The following SOX8 variants were observed in gnomAD, a reference collection of about 807,000 sequenced individuals.
The protein encoded by SOX8 is SRY-box transcription factor 8.
Under a neutral mutation model 22.9 loss-of-function variants are expected in SOX8, and 9 were observed. That is an observed-to-expected ratio of 0.39 (90% CI 0.24 to 0.69). The LOEUF is 0.69. Among genes scored for constraint, SOX8 ranks in the 30% least tolerant of loss-of-function variants. The pLI, the probability that SOX8 is intolerant of heterozygous loss-of-function variation, is 0.43. For synonymous variants in SOX8, 416 were observed against 330.6 expected (o/e 1.26, Z -2.80); for missense variants, 734 against 699.4 (o/e 1.05, Z -0.56).
chr16:984,104 C>T, intron 2 of SOX8, 144 bp downstream of exon 2: 3 of 754,750 alleles, frequency 4.0e-6, no homozygotes, highest in Non-Finnish European at 6.0e-6. Flanking sequence ...TGAAAAAGCT[C>T]CCAAGGCCCC....
At position 983,871 on chromosome 16, in the gene SOX8, G is replaced by T. The variant is rs1309194389; in HGVS notation, c.566G>T (p.Gly189Val). 3 of 1,611,482 alleles carry T rather than the reference G, an allele frequency of 1.9e-6. No homozygotes were observed. Among genetic ancestry groups the T allele is most frequent in the East Asian group, 2.2e-5 (1 of 44,808 alleles). Residue 189 changes from glycine (G) to valine (V), a missense_variant, in exon 2 of 3, where the codon GGC becomes GTC. By Grantham distance (109) the Gly-to-Val change is moderately radical. Coordinates refer to ENST00000293894, the MANE Select transcript of SOX8 (RefSeq NM_014587.5). ...GCCGGCCACAGCGACTCCGACTCGG[G>T]CGCGGAGCTGGGACCCCACCCTGGC... ...AKAGHSDSDS[G>V]AELGPHPGGG...
At position 985,947 on chromosome 16, in the gene SOX8, C is replaced by T. The variant is rs150943323; in HGVS notation, c.*561C>T. ...TCCTTGCTGGCAGAGTGCGCTCACG[C>T]GAGGGCTGGCTGTGATGAACACATC... On this transcript the variant is annotated 3_prime_UTR_variant, in exon 3 of 3. Coordinates refer to ENST00000293894, the MANE Select transcript of SOX8 (RefSeq NM_014587.5). 7.7e-4 allele frequency: 118 copies of T among 153,948 alleles called. No homozygotes were observed. Among genetic ancestry groups the T allele is most frequent in the Non-Finnish European group, 1.3e-3 (90 of 69,224 alleles). The allele number at this position is 153,948 out of a possible 1,614,324, so 9.5% of individuals were successfully genotyped here. A position where few individuals can be genotyped will look rare whatever the true frequency, so the allele number is the denominator to read the frequency against.
Position 982,128 on chromosome 16 carries a change from G to A in SOX8, c.206G>A (p.Arg69His). ...GACGAGCGCTTCCCGGCCTGCATCC[G>A]CGACGCCGTGTCGCAGGTGCTCAAG... is the stretch of plus-strand genomic sequence containing the variant. ...AADERFPACI[R>H]DAVSQVLKGY... Residue 69 changes from arginine (R) to histidine (H), a missense_variant, in exon 1 of 3, where the codon CGC becomes CAC. Transcript: ENST00000293894. 1 of 1,424,510 alleles carries A rather than the reference G, an allele frequency of 7.0e-7. No individual in the cohort carries two copies. The highest frequency in any genetic ancestry group is 9.2e-7 in the Non-Finnish European group (1 of 1,089,948). The allele number at this position is 1,424,510 out of a possible 1,614,324, so 88.2% of individuals were successfully genotyped here. A position where few individuals can be genotyped will look rare whatever the true frequency, so the allele number is the denominator to read the frequency against.
chr16:984,512 T>C (rs2073436902), intron 2 of SOX8, among the ~76,000 whole-genome samples, 189 bp from the exon 3 acceptor site: 1 of 152,166 alleles, frequency 6.6e-6, no homozygotes, highest in Non-Finnish European at 1.5e-5. Context: ...CAGCGCTTCA[T>C]GGAATTTTCT....
Position 982,326 on chromosome 16 carries a change from C to T in SOX8, c.404C>T (p.Thr135Met). Residue 135 changes from threonine (T) to methionine (M), a missense_variant, in exon 1 of 3, where the codon ACG becomes ATG. Transcript: ENST00000293894. Reference sequence around the variant, plus strand: ...CTGCACAACGCCGAGCTCAGCAAGACGCTGGGCAAGCTGTGGCGGTGAGTG... The same window carrying T: ...CTGCACAACGCCGAGCTCAGCAAGATGCTGGGCAAGCTGTGGCGGTGAGTG... ...PHLHNAELSK[T>M]LGKLWRLLSE... is the part of the protein sequence containing the mutation. 1 of 1,402,996 alleles carries T rather than the reference C, an allele frequency of 7.1e-7. No individual in the cohort carries two copies. Among genetic ancestry groups the T allele is most frequent in the Non-Finnish European group, 9.3e-7 (1 of 1,072,450 alleles). 86.9% of individuals were successfully genotyped at this position (1,402,996 alleles called of 1,614,324 possible). A position where few individuals can be genotyped will look rare whatever the true frequency, so the allele number is the denominator to read the frequency against.
Position 981,973 on chromosome 16 carries a change from C to A in SOX8, c.51C>A (p.Gly17=). Residue 17 remains glycine, a synonymous_variant, in exon 1 of 3, where the codon GGC becomes GGA. Coordinates refer to ENST00000293894, the MANE Select transcript of SOX8 (RefSeq NM_014587.5). The part of the protein sequence containing the change: ...ARSQPPCSPS[G]TASSMSHVED... ...CCCAGCCGCCCTGCAGCCCGTCCGG[C>A]ACCGCCAGCTCCATGTCGCACGTGG... is the stretch of plus-strand genomic sequence containing the variant. 6.9e-7 allele frequency: 1 copy of A among 1,445,096 alleles called. No individual in the cohort carries two copies. Among genetic ancestry groups the A allele is most frequent in the South Asian group, 1.3e-5 (1 of 75,822 alleles). The allele number at this position is 1,445,096 out of a possible 1,614,324, so 89.5% of individuals were successfully genotyped here.
chr16:981,968 T>C lies in SOX8; in HGVS notation c.46T>C (p.Ser16Pro). 1.4e-6 allele frequency: 2 copies of C among 1,442,192 alleles called. No individual in the cohort carries two copies. The highest frequency in any genetic ancestry group is 2.6e-5 in the South Asian group (2 of 75,628). The allele number at this position is 1,442,192 out of a possible 1,614,324, so 89.3% of individuals were successfully genotyped here. The change falls in exon 1 of 3, where the codon TCC (serine) becomes CCC (proline). Residue 16 changes from serine to proline, a missense_variant. Ser to Pro is a moderately conservative substitution (Grantham distance 74, BLOSUM62 -1). Coordinates refer to ENST00000293894, the MANE Select transcript of SOX8 (RefSeq NM_014587.5). ...CCGCTCCCAGCCGCCCTGCAGCCCG[T>C]CCGGCACCGCCAGCTCCATGTCGCA... ...EARSQPPCSPSGTASSMSHVE... is the reference protein window; with the variant it reads ...EARSQPPCSPPGTASSMSHVE...
chr16:985,407 A>G lies in SOX8; in HGVS notation c.*21A>G. The G allele has an allele frequency of 6.7e-7, 1 of 1,500,538 alleles. No homozygotes were observed. Among genetic ancestry groups the G allele is most frequent in the Non-Finnish European group, 8.9e-7 (1 of 1,124,820 alleles). 93.0% of individuals were successfully genotyped at this position (1,500,538 alleles called of 1,614,324 possible). A position where few individuals can be genotyped will look rare whatever the true frequency, so the allele number is the denominator to read the frequency against. ...CCTGAGGGCCCAGCCGCGGGGAGGG[A>G]CTCGCAGGCGTCAGGGGGCAGCCTT... On this transcript the variant is annotated 3_prime_UTR_variant, in exon 3 of 3. Transcript: ENST00000293894.
intron 1 of SOX8, 65 bp downstream of exon 1, chr16:982,409 CG>C: frequency 7.8e-7 from 1 of 1,283,822 alleles, no homozygotes; most frequent in East Asian, 3.1e-5. Flanking sequence ...GGACTGCGAG[CG>C]GGGGCCTGGA....
At position 981,937 on chromosome 16, in the gene SOX8, C is replaced by A; in HGVS notation, c.15C>A (p.Ser5Arg). The A allele has an allele frequency of 1.4e-6, 2 of 1,397,728 alleles. No homozygotes were observed. The highest frequency in any genetic ancestry group is 3.2e-5 in the East Asian group (1 of 30,828). The allele number at this position is 1,397,728 out of a possible 1,614,324, so 86.6% of individuals were successfully genotyped here. A position where few individuals can be genotyped will look rare whatever the true frequency, so the allele number is the denominator to read the frequency against. Reference protein sequence around the residue: MLDMSEARSQPPCSP... With the variant: MLDMREARSQPPCSP... ...GCGCGGCCCCGATGCTGGACATGAG[C>A]GAGGCCCGCTCCCAGCCGCCCTGCA... Residue 5 changes from serine to arginine, a missense_variant, in exon 1 of 3, where the codon AGC becomes AGA. This residue lies in a region of SOX8 where 139 missense variants were observed against 109.1 expected (regional missense o/e 1.27). Coordinates refer to ENST00000293894, the MANE Select transcript of SOX8 (RefSeq NM_014587.5).
intron 1 of SOX8, 187 bp downstream of exon 1, chr16:982,531 C>T (rs984883790): frequency 8.4e-6 from 5 of 591,952 alleles, no homozygotes; most frequent in African/African-American, 1.9e-5. Flanking sequence ...AGCCGGGGTC[C>T]GGCGCCAGCT....
Position 981,837 on chromosome 16 carries a change from C to A in SOX8, c.-86C>A. The A allele has an allele frequency of 1.2e-6, 1 of 854,864 alleles. No individual in the cohort carries two copies. Among genetic ancestry groups the A allele is most frequent in the Non-Finnish European group, 1.4e-6 (1 of 693,036 alleles). 53.0% of individuals were successfully genotyped at this position (854,864 alleles called of 1,614,324 possible). ...AGGGTCGGGGCCACCGCGCGGCGAC[C>A]TCGGGTCCCGGAGCGACCGCAGGGC... On this transcript the variant is annotated 5_prime_UTR_variant, in exon 1 of 3. Transcript: ENST00000293894.
rs555904486 is a variant in SOX8, at chr16:985,758, G to A, written c.*372G>A. On this transcript the variant is annotated 3_prime_UTR_variant, in exon 3 of 3. Coordinates refer to ENST00000293894, the MANE Select transcript of SOX8 (RefSeq NM_014587.5). ...GGGGGTGGCAGGGGCCTTGCAGGGC[G>A]CTGTGAGGTCCAGGCCGGTCTTGGC... The A allele has an allele frequency of 8.6e-5, 19 of 222,082 alleles. No homozygotes were observed. Among genetic ancestry groups the A allele is most frequent in the East Asian group, 4.5e-4 (4 of 8,932 alleles). 13.8% of individuals were successfully genotyped at this position (222,082 alleles called of 1,614,324 possible).
Position 981,897 on chromosome 16 carries a change from T to C in SOX8, c.-26T>C, listed in dbSNP as rs540854775. 1.5e-5 allele frequency: 18 copies of C among 1,198,652 alleles called. No individual in the cohort carries two copies. In the South Asian group the frequency reaches 4.6e-4, roughly 31 times the overall value. 74.3% of individuals were successfully genotyped at this position (1,198,652 alleles called of 1,614,324 possible). ...CGCCGGCCCCGGTGCGCGTCTCCTG[T>C]GCGCGCCCCTCCGCGCGCGGCCCCG... On this transcript the variant is annotated 5_prime_UTR_variant, in exon 1 of 3. Coordinates refer to ENST00000293894, the MANE Select transcript of SOX8 (RefSeq NM_014587.5).
intron 1 of SOX8, chr16:983,319 A>G (rs1176972768): frequency 6.3e-6 from 1 of 159,630 alleles, no homozygotes; most frequent in Non-Finnish European, 1.4e-5. Flanking sequence ...GAATGGAGGG[A>G]CAGCAGCCCA....
At chr16:982,452 C>T in intron 1 of SOX8, 108 bp downstream of exon 1, 3 of 1,165,066 alleles carry the variant, frequency 2.6e-6, no homozygotes, top group South Asian at 2.9e-5. Flanking sequence ...GGTGGCCACA[C>T]GCAGGCTCCG....
Position 982,330 on chromosome 16 carries a change from G to A in SOX8, c.408G>A (p.Leu136=). The A allele has an allele frequency of 7.9e-6, 11 of 1,397,456 alleles. No individual in the cohort carries two copies. The highest frequency in any genetic ancestry group is 1.7e-5 in the South Asian group (1 of 57,542). 86.6% of individuals were successfully genotyped at this position (1,397,456 alleles called of 1,614,324 possible). ...ACAACGCCGAGCTCAGCAAGACGCT[G>A]GGCAAGCTGTGGCGGTGAGTGCCGG... ...HLHNAELSKT[L]GKLWRLLSES... The change falls in exon 1 of 3, where the codon CTG becomes CTA. Residue 136 remains leucine, a synonymous_variant. Transcript: ENST00000293894.
chr16:984,154 C>T (rs1399133574), intron 2 of SOX8, among the ~76,000 whole-genome samples, 194 bp downstream of exon 2: 1 of 152,226 alleles, frequency 6.6e-6, no homozygotes, highest in East Asian at 1.9e-4. Flanking sequence ...CCTGCTTAGC[C>T]ACCTTGAGTG....
intron 1 of SOX8, chr16:983,273 G>A (rs1217443639): frequency 6.4e-6 from 1 of 155,878 alleles, no homozygotes; most frequent in East Asian, 1.9e-4. Flanking sequence ...AGTGAGGACG[G>A]GCGCCTGGGC....
Sources: gnomAD v4.1 joint callset for allele counts (sites outside exome capture counted in the v4.1 genomes callset) on GRCh38, gnomAD v4.1.1 for gene constraint, gnomAD v4.1.1 regional missense constraint, MANE v1.5 for transcripts, NCBI Gene and HGNC (gene_info 2026-07-23, HGNC 2026-07-21) for gene names.